The following DNAAF4 variants were observed in gnomAD, a reference collection of about 807,000 sequenced individuals.
DNAAF4 encodes dynein assembly factor 4, axonemal.
DNAAF4 carries 43 observed loss-of-function variants against 51.8 expected under a neutral mutation model. That is an observed-to-expected ratio of 0.83 (90% CI 0.65 to 1.07). The LOEUF is 1.07. DNAAF4 is among the 50% of genes least tolerant of loss of function. The pLI is 0.00. For missense variants in DNAAF4, 581 were observed against 493.0 expected (o/e 1.18, Z -1.69); for synonymous variants, 194 against 165.6 (o/e 1.17, Z -1.32).
intron 4 of DNAAF4, 101 bp from the exon 5 acceptor site, chr15:55,467,262 T>A: frequency 9.1e-7 from 1 of 1,100,360 alleles, no homozygotes; most frequent in Non-Finnish European, 1.3e-6. Context: ...ACCTCTAAAC[T>A]CTTGCCATTG....
chr15:55,462,340 A>C (rs2058104911), intron 5 of DNAAF4, among the ~76,000 whole-genome samples: 1 of 151,936 alleles, frequency 6.6e-6, no homozygotes, highest in East Asian at 1.9e-4. Flanking sequence ...TTACAGGCAC[A>C]TGCCACCACA....
At chr15:55,457,795 TC>T (rs1237585387) in intron 5 of DNAAF4, among the ~76,000 whole-genome samples, 1 of 152,134 alleles carries the variant, frequency 6.6e-6, no homozygotes, top group Non-Finnish European at 1.5e-5. Context: ...TCCAACAGAA[TC>T]CACTTCACTC....
intron 4 of DNAAF4, among the ~76,000 whole-genome samples, chr15:55,475,112 A>G (rs1213045863): frequency 2.0e-5 from 3 of 152,258 alleles, no homozygotes; most frequent in Non-Finnish European, 2.9e-5. Context: ...TCTCAATATT[A>G]TAAGTATGTT....
Position 55,442,629 on chromosome 15 carries a change from T to A in DNAAF4, c.784-3048A>T, listed in dbSNP as rs1043330893. The A allele has an allele frequency of 2.6e-6, 4 of 1,522,122 alleles. No individual in the cohort carries two copies. The African/African-American group carries it at 4.1e-5, about 16-fold the overall frequency. 94.3% of individuals were successfully genotyped at this position (1,522,122 alleles called of 1,614,324 possible). ...GAATGAGATGGAGTTCACCAGCAGC[T>A]CTTTATGTCAGACTTTTAGCAGGAT... On this transcript the variant is annotated intron_variant, in intron 6 of 9. Transcript: ENST00000321149.
At position 55,467,070 on chromosome 15, in the gene DNAAF4, T is replaced by TG. The variant is rs1450498773; in HGVS notation, c.496dup (p.Gln166ProfsTer5). ...TTTTTTTTGCTCCTCAGCTTTTCTT[T>TG]GATATTCTTTCCAGGCTTCCAATGC... On this transcript the variant is annotated frameshift_variant, in exon 5 of 10. Coordinates refer to ENST00000321149, the MANE Select transcript of DNAAF4 (RefSeq NM_130810.4). LOFTEE classifies it high-confidence loss of function. 1.9e-6 allele frequency: 3 copies of TG among 1,552,668 alleles called. No individual in the cohort carries two copies. The African/African-American group carries it at 4.1e-5, about 21-fold the overall frequency.
Position 55,470,112 on chromosome 15 carries a change from C to T in DNAAF4, c.406-2951G>A, listed in dbSNP as rs183183145. On this transcript the variant is annotated intron_variant, in intron 4 of 9. Transcript: ENST00000321149. ...CGTTGCCCAGGCTGGAGTGCAGTGGCACGATCTCGGCTCACTGCAACCTCC... is the reference window on the plus strand; with the variant it reads ...CGTTGCCCAGGCTGGAGTGCAGTGGTACGATCTCGGCTCACTGCAACCTCC... 2.5e-3 allele frequency among the ~76,000 whole-genome samples: 385 copies of T among 151,750 alleles called. 5 individuals carry two copies. Among genetic ancestry groups the T allele is most frequent in the East Asian group, 8.4e-3 (43 of 5,140 alleles).
chr15:55,438,400 A>G (rs78141120), intron 7 of DNAAF4, among the ~76,000 whole-genome samples: 16,685 of 151,766 alleles, frequency 0.11, 1,355 homozygotes, highest in African/African-American at 0.22. Flanking sequence ...GACTGCCCAG[A>G]TATAAGATAA....
downstream of DNAAF4, among the ~76,000 whole-genome samples, chr15:55,426,581 C>G (rs1175446528): frequency 6.6e-6 from 1 of 152,144 alleles, no homozygotes; most frequent in Non-Finnish European, 1.5e-5. Context: ...AGGTGCTTGC[C>G]ACCATGTCCG....
At chr15:55,423,753 G>C (rs1296852402) in intron 7 of DNAAF4, among the ~76,000 whole-genome samples, 1 of 152,068 alleles carries the variant, frequency 6.6e-6, no homozygotes, top group East Asian at 1.9e-4. Flanking sequence ...AGGAGTGCGA[G>C]ACCAGGCTGG....
intron 5 of DNAAF4, among the ~76,000 whole-genome samples, chr15:55,458,932 C>T (rs936737893): frequency 1.3e-5 from 2 of 151,964 alleles, no homozygotes; most frequent in African/African-American, 4.8e-5. Flanking sequence ...AAAAATCAGC[C>T]AGGCGTGGTG....
chr15:55,497,786 A>G lies in DNAAF4; in HGVS notation c.197T>C (p.Ile66Thr), dbSNP rs114245686. ...PIDDESSKAK[I>T]GNDTIVFTLY... ...GGTGAAGACAATGGTGTCATTCCCA[A>G]TCTTTGCTTTGCTGCTCTCATCGTC... The change falls in exon 3 of 10, where the codon ATT (isoleucine) becomes ACT (threonine). Residue 66 changes from isoleucine to threonine, a missense_variant. Coordinates refer to ENST00000321149, the MANE Select transcript of DNAAF4 (RefSeq NM_130810.4). 2.3e-4 allele frequency: 379 copies of G among 1,614,090 alleles called. No homozygotes were observed. Among genetic ancestry groups the G allele is most frequent in the East Asian group, 1.4e-3 (61 of 44,880 alleles).
chr15:55,481,728 T>C (rs939067041), intron 4 of DNAAF4, among the ~76,000 whole-genome samples: 1 of 152,140 alleles, frequency 6.6e-6, no homozygotes, highest in Non-Finnish European at 1.5e-5. Context: ...CAGGGGGAAA[T>C]GAGGCAGAAC....
chr15:55,488,120 CTTTTT>C (rs58763098), intron 4 of DNAAF4, among the ~76,000 whole-genome samples: 1 of 144,330 alleles, frequency 6.9e-6, no homozygotes, highest in Admixed American at 7.0e-5. Flanking sequence ...TTTTCTTTTT[CTTTTT>C]TTTTTTTTGC....
downstream of DNAAF4, among the ~76,000 whole-genome samples, chr15:55,427,505 A>T (rs2057442507): frequency 6.6e-6 from 1 of 152,154 alleles, no homozygotes; most frequent in Non-Finnish European, 1.5e-5. Context: ...GGGCCACAAG[A>T]TTAGATGAGT....
chr15:55,436,993 T>C (rs907222428), intron 7 of DNAAF4, among the ~76,000 whole-genome samples: 1 of 152,016 alleles, frequency 6.6e-6, no homozygotes, highest in African/African-American at 2.4e-5. Context: ...GCTAATTTTG[T>C]ACTTTTAGTA....
At chr15:55,487,742 C>T (rs2058512930) in intron 4 of DNAAF4, among the ~76,000 whole-genome samples, 2 of 151,938 alleles carry the variant, frequency 1.3e-5, no homozygotes, top group Admixed American at 1.3e-4. Flanking sequence ...GTCAGTGAGA[C>T]CAAGAACCCA....
At chr15:55,429,147 A>C (rs1195650281), downstream of DNAAF4, among the ~76,000 whole-genome samples, 1 of 151,844 alleles carries the variant, frequency 6.6e-6, no homozygotes, top group African/African-American at 2.4e-5. Flanking sequence ...GCTTGAACCC[A>C]GGAGACGGAG....
At chr15:55,486,151 A>G (rs950675100) in intron 4 of DNAAF4, among the ~76,000 whole-genome samples, 26 of 149,004 alleles carry the variant, frequency 1.7e-4, no homozygotes, top group Non-Finnish European at 3.1e-4. Flanking sequence ...TCTGTTGATG[A>G]CCCTGCCTCG....
chr15:55,418,288 T>G, intron 7 of DNAAF4: 3 of 1,550,702 alleles, frequency 1.9e-6, no homozygotes, highest in Non-Finnish European at 2.6e-6. Flanking sequence ...TGCCTCCTTG[T>G]GTGAACCCTG....
Sources: allele counts gnomAD v4.1 joint callset (sites outside exome capture counted in the v4.1 genomes callset), GRCh38; gene constraint gnomAD v4.1.1; transcripts MANE v1.5; gene names NCBI Gene and HGNC (gene_info 2026-07-23, HGNC 2026-07-21).